CCDC30: variants seen among roughly 807,000 people sequenced by gnomAD.
CCDC30 encodes coiled-coil domain-containing protein 30.
Under a neutral mutation model 100.2 loss-of-function variants are expected in CCDC30, and 70 were observed. The observed-to-expected ratio is 0.70, with a 90% CI of 0.58 to 0.85. The LOEUF (loss-of-function observed/expected upper bound fraction) is 0.85, where lower values mean the gene tolerates loss of function less well. Among genes scored for constraint, CCDC30 ranks in the 40% least tolerant of loss-of-function variants. The pLI is 0.00. For missense variants in CCDC30, 652 were observed against 771.2 expected, an observed-to-expected ratio of 0.85 and a Z score of 1.83; for synonymous variants, 233 against 269.5, an observed-to-expected ratio of 0.86 and a Z score of 1.33.
intron 11 of CCDC30, among the ~76,000 whole-genome samples, chr1:42,630,712 T>C (rs1317571549): frequency 2.6e-5 from 4 of 152,120 alleles, no homozygotes; most frequent in Non-Finnish European, 5.9e-5. Flanking sequence ...TATCTTCAAG[T>C]TTACTAATTC....
chr1:42,579,321 G>T (rs567857868), intron 8 of CCDC30, among the ~76,000 whole-genome samples: 1 of 151,748 alleles, frequency 6.6e-6, no homozygotes, highest in Non-Finnish European at 1.5e-5. Flanking sequence ...AAGGAGAGGC[G>T]AGGCGAGGCA....
At chr1:42,511,760 A>AT (rs1644481745) in intron 6 of CCDC30, among the ~76,000 whole-genome samples, 1 of 152,148 alleles carries the variant, frequency 6.6e-6, no homozygotes, top group Non-Finnish European at 1.5e-5. Context: ...CATGGAGAGG[A>AT]TTTTTATTCC....
chr1:42,483,307 G>A (rs1009788102), intron 3 of CCDC30, among the ~76,000 whole-genome samples: 5 of 152,172 alleles, frequency 3.3e-5, no homozygotes, highest in Non-Finnish European at 7.3e-5. Flanking sequence ...ATGGACGATT[G>A]TGTTGTCAGT....
intron 11 of CCDC30, among the ~76,000 whole-genome samples, chr1:42,626,437 C>A (rs1253157061): frequency 1.3e-5 from 2 of 152,118 alleles, no homozygotes; most frequent in Admixed American, 6.5e-5. Flanking sequence ...TCTCTTCCTT[C>A]TTCCTTTCCT....
At chr1:42,493,149 C>T (rs909988876) in intron 4 of CCDC30, among the ~76,000 whole-genome samples, 2 of 151,718 alleles carry the variant, frequency 1.3e-5, no homozygotes, top group Admixed American at 1.3e-4. Flanking sequence ...AAGTCTATAC[C>T]TCAGAAACCC....
intron 6 of CCDC30, among the ~76,000 whole-genome samples, chr1:42,550,082 T>C (rs1557845930): frequency 6.6e-6 from 1 of 151,214 alleles, no homozygotes; most frequent in Non-Finnish European, 1.5e-5. Flanking sequence ...ATCTGTTCAG[T>C]GAATAGCCCC....
chr1:42,496,187 T>A (rs970847079), intron 4 of CCDC30, among the ~76,000 whole-genome samples: 8 of 151,774 alleles, frequency 5.3e-5, no homozygotes, highest in Non-Finnish European at 1.2e-4. Flanking sequence ...TGAGCTGGTA[T>A]ATACTAGTAT....
intron 6 of CCDC30, among the ~76,000 whole-genome samples, chr1:42,520,619 C>G (rs535439002): frequency 6.7e-6 from 1 of 149,706 alleles, no homozygotes; most frequent in Admixed American, 6.6e-5. Context: ...CATGAGCCAC[C>G]ACGCCCGGCC....
chr1:42,653,783 A>G (rs1344088584), intron 16 of CCDC30, 35 bp from the exon 21 acceptor site: 5 of 1,512,282 alleles, frequency 3.3e-6, no homozygotes, highest in East Asian at 4.5e-5. Flanking sequence ...AACAAACTCT[A>G]TGTACATGAT....
At chr1:42,608,492 G>A (rs532658537) in intron 10 of CCDC30, among the ~76,000 whole-genome samples, 24 of 152,216 alleles carry the variant, frequency 1.6e-4, no homozygotes, top group African/African-American at 5.8e-4. Context: ...ACGAGGTCAG[G>A]AGATCGAGAC....
At chr1:42,639,612 T>C (rs952362650) in intron 12 of CCDC30, among the ~76,000 whole-genome samples, 1 of 152,176 alleles carries the variant, frequency 6.6e-6, no homozygotes, top group Admixed American at 6.5e-5. Flanking sequence ...TAAATAGACT[T>C]GGATTCAAAT....
intron 6 of CCDC30, among the ~76,000 whole-genome samples, chr1:42,525,489 TA>T (rs1644710137): frequency 6.6e-6 from 1 of 152,170 alleles, no homozygotes; most frequent in Admixed American, 6.5e-5. Context: ...CTTTTTTGAA[TA>T]TCTTTTATCT....
At chr1:42,533,139 C>T (rs1405438123) in intron 6 of CCDC30, among the ~76,000 whole-genome samples, 2 of 152,138 alleles carry the variant, frequency 1.3e-5, no homozygotes, top group African/African-American at 4.8e-5. Flanking sequence ...TTAAACTAGA[C>T]TTGATTGGAT....
chr1:42,476,237 A>C lies in CCDC30; in HGVS notation c.-91-4224A>C, dbSNP rs138073277. Reference sequence around the variant, plus strand: ...TCCTGCTTTTAAGAAATGGAAGATCAGAATGATCTTGCACCTGCTGTTTTT... The same window carrying C: ...TCCTGCTTTTAAGAAATGGAAGATCCGAATGATCTTGCACCTGCTGTTTTT... On this transcript the variant is annotated intron_variant, in intron 1 of 16. Coordinates refer to ENST00000668663, the Ensembl canonical transcript of CCDC30. Among the ~76,000 whole-genome samples the C allele has an allele frequency of 4.2e-3, 548 of 129,534 alleles. 3 individuals are homozygous for C. The highest frequency in any genetic ancestry group is 0.014 in the African/African-American group (522 of 38,214). 85.0% of individuals were successfully genotyped at this position (129,534 alleles called of 152,430 possible).
At chr1:42,644,914 T>G in intron 14 of CCDC30, 107 bp downstream of exon 18, 1 of 711,968 alleles carries the variant, frequency 1.4e-6, no homozygotes, top group East Asian at 2.7e-5. Flanking sequence ...AGCTGGGCTC[T>G]TGGCCTCATG....
chr1:42,626,804 T>C (rs911527819), intron 11 of CCDC30, among the ~76,000 whole-genome samples: 1 of 152,194 alleles, frequency 6.6e-6, no homozygotes, highest in Admixed American at 6.5e-5. Context: ...GAAGTCCCTT[T>C]CACTCCCGTC....
chr1:42,533,439 AAGC>A (rs1430242883), intron 6 of CCDC30, among the ~76,000 whole-genome samples: 3 of 152,326 alleles, frequency 2.0e-5, no homozygotes, highest in South Asian at 2.1e-4. Context: ...TCCCCAGAGT[AAGC>A]AGGAGTATTC....
chr1:42,519,949 T>C (rs1206394168), intron 6 of CCDC30, among the ~76,000 whole-genome samples: 21 of 152,182 alleles, frequency 1.4e-4, no homozygotes, highest in Admixed American at 1.4e-3. Context: ...ATTTCTCTAG[T>C]ATCTGTTGTA....
Position 42,496,465 on chromosome 1 carries a change from A to AAT in CCDC30, c.242-621_242-620dup, listed in dbSNP as rs148092977. 1.6e-3 allele frequency among the ~76,000 whole-genome samples: 235 copies of AAT among 151,142 alleles called. 1 individual carries two copies. In the East Asian group the frequency reaches 0.018, roughly 11 times the overall value. Reference sequence around the variant, plus strand: ...CTTTGTCTGTTTGTATATTACTATAAATATATATATATAAATGTCTGAAAA... The same window carrying AAT: ...CTTTGTCTGTTTGTATATTACTATAAATATATATATATATAAATGTCTGAAAA... On this transcript the variant is annotated intron_variant, in intron 4 of 16. Transcript: ENST00000668663.
Sources: allele counts gnomAD v4.1 joint callset (sites outside exome capture counted in the v4.1 genomes callset), GRCh38; gene constraint gnomAD v4.1.1; transcripts MANE v1.5; gene names NCBI Gene and HGNC (gene_info 2026-07-23, HGNC 2026-07-21).